TIAM1: variants seen among roughly 807,000 people sequenced by gnomAD.
The protein encoded by TIAM1 is TIAM Rac1 associated GEF 1, also known as rho guanine nucleotide exchange factor TIAM1.
TIAM1 carries 65 observed loss-of-function variants against 163.5 expected under a neutral mutation model. The ratio of observed to expected loss-of-function variants is 0.40; its 90% CI spans 0.33 to 0.49. The LOEUF (loss-of-function observed/expected upper bound fraction) is 0.49. Ranked by LOEUF, TIAM1 falls within the 20% of genes least tolerant of loss-of-function variation. The pLI is 0.77. For missense variants in TIAM1, 1,789 were observed against 2,044.7 expected (o/e 0.87, Z 2.41); for synonymous variants, 833 against 810.1 (o/e 1.03, Z -0.48).
At chr21:31,205,518 G>A (rs1267939972) in intron 11 of TIAM1, among the ~76,000 whole-genome samples, 1 of 152,210 alleles carries the variant, frequency 6.6e-6, no homozygotes, top group African/African-American at 2.4e-5. Flanking sequence ...GCCTAAGGTG[G>A]TCCTGGTGTG....
At chr21:31,309,310 T>G (rs1461961995) in intron 2 of TIAM1, among the ~76,000 whole-genome samples, 1 of 151,836 alleles carries the variant, frequency 6.6e-6, no homozygotes, top group Non-Finnish European at 1.5e-5. Context: ...ATACAAAAAT[T>G]AGCCGGGCAC....
chr21:31,186,700 G>C (rs1000218417), intron 14 of TIAM1, among the ~76,000 whole-genome samples: 5 of 152,076 alleles, frequency 3.3e-5, no homozygotes, highest in Admixed American at 6.5e-5. Flanking sequence ...AGGGTGGCTT[G>C]AGCCCAGGAT....
intron 2 of TIAM1, among the ~76,000 whole-genome samples, chr21:31,364,030 C>T (rs1261580279): frequency 6.6e-6 from 1 of 152,234 alleles, no homozygotes; most frequent in African/African-American, 2.4e-5. Context: ...CTCTACCCAA[C>T]ACACAGGCCT....
At chr21:31,430,158 G>A (rs533611164) in intron 2 of TIAM1, among the ~76,000 whole-genome samples, 3 of 149,454 alleles carry the variant, frequency 2.0e-5, no homozygotes, top group Non-Finnish European at 3.0e-5. Flanking sequence ...GTGAGCCGAG[G>A]TCGCGCCATT....
chr21:31,230,501 T>C (rs2088348974), intron 6 of TIAM1, among the ~76,000 whole-genome samples: 1 of 152,130 alleles, frequency 6.6e-6, no homozygotes, highest in African/African-American at 2.4e-5. Flanking sequence ...AAAGCCAGGC[T>C]GCAGAGTCAC....
chr21:31,424,695 TGAAAA>T (rs1296157144), intron 2 of TIAM1, among the ~76,000 whole-genome samples: 3 of 152,110 alleles, frequency 2.0e-5, no homozygotes, highest in Non-Finnish European at 4.4e-5. Context: ...TTTCGCAAGA[TGAAAA>T]GAGTTCTGGA....
intron 2 of TIAM1, among the ~76,000 whole-genome samples, chr21:31,291,146 A>G (rs1183748661): frequency 1.3e-5 from 2 of 152,214 alleles, no homozygotes; most frequent in East Asian, 3.8e-4. Flanking sequence ...AAACAAAAAA[A>G]CACCTTTCCA....
At chr21:31,159,503 T>C (rs2083794323) in intron 16 of TIAM1, among the ~76,000 whole-genome samples, 1 of 152,188 alleles carries the variant, frequency 6.6e-6, no homozygotes, top group African/African-American at 2.4e-5. Flanking sequence ...ATCCCACAGA[T>C]TTAAAAGGGG....
intron 27 of TIAM1, among the ~76,000 whole-genome samples, chr21:31,122,277 A>C (rs952412408): frequency 1.3e-5 from 2 of 152,240 alleles, no homozygotes; most frequent in Admixed American, 6.5e-5. Flanking sequence ...AATAGGAAAA[A>C]AAACAAACAA....
chr21:31,464,426 G>T (rs1327644271), intron 1 of TIAM1, among the ~76,000 whole-genome samples: 1 of 152,052 alleles, frequency 6.6e-6, no homozygotes, highest in Non-Finnish European at 1.5e-5. Context: ...GGTTAAAATT[G>T]CACCAGGCGC....
At chr21:31,245,413 T>C in intron 6 of TIAM1, 75 bp downstream of exon 6, 1 of 736,214 alleles carries the variant, frequency 1.4e-6, no homozygotes, top group Non-Finnish European at 1.9e-6. Flanking sequence ...GGAGGGAGAC[T>C]GGGTGCCTAG....
intron 2 of TIAM1, among the ~76,000 whole-genome samples, chr21:31,357,891 T>A (rs1448640353): frequency 6.6e-6 from 1 of 152,220 alleles, no homozygotes; most frequent in Non-Finnish European, 1.5e-5. Context: ...ACACCATAAA[T>A]TCTTCTGCCT....
intron 2 of TIAM1, among the ~76,000 whole-genome samples, chr21:31,380,127 G>T (rs1408321147): frequency 6.6e-6 from 1 of 151,694 alleles, no homozygotes; most frequent in Non-Finnish European, 1.5e-5. Context: ...GGCCAGGCAT[G>T]GTGGTGCACA....
At chr21:31,136,995 C>G (rs114062463) in intron 22 of TIAM1, among the ~76,000 whole-genome samples, 1,841 of 152,338 alleles carry the variant, frequency 0.012, 43 homozygotes, top group African/African-American at 0.042. Flanking sequence ...TCGCTCACCC[C>G]CAGCGGTCAC....
At chr21:31,165,916 G>C (rs190154570) in intron 15 of TIAM1, among the ~76,000 whole-genome samples, 110 of 152,268 alleles carry the variant, frequency 7.2e-4, no homozygotes, top group Admixed American at 1.6e-3. Context: ...ATGATATTCT[G>C]TGCAAAAGTG....
intron 1 of TIAM1, among the ~76,000 whole-genome samples, chr21:31,550,462 T>C (rs1348606431): frequency 1.3e-5 from 2 of 152,120 alleles, no homozygotes; most frequent in Non-Finnish European, 2.9e-5. Flanking sequence ...AGTAGATTAG[T>C]GGTAGCCAAG....
At chr21:31,173,118 A>G (rs1035334166) in intron 15 of TIAM1, among the ~76,000 whole-genome samples, 4 of 152,202 alleles carry the variant, frequency 2.6e-5, no homozygotes, top group African/African-American at 9.6e-5. Context: ...ACACACATCT[A>G]CTTTGGTTTC....
upstream of TIAM1, among the ~76,000 whole-genome samples, chr21:31,347,754 T>C (rs2076171288): frequency 6.6e-6 from 1 of 151,460 alleles, no homozygotes; most frequent in South Asian, 2.1e-4. Context: ...TCAGAGAAAC[T>C]GCAAACCCTG....
chr21:31,512,959 T>C (rs767263219), intron 1 of TIAM1, among the ~76,000 whole-genome samples: 1 of 152,104 alleles, frequency 6.6e-6, no homozygotes, highest in Non-Finnish European at 1.5e-5. Context: ...CAGTCTTTTC[T>C]AACCATAGGG....
Sources: allele counts gnomAD v4.1 joint callset (sites outside exome capture counted in the v4.1 genomes callset), GRCh38; gene constraint gnomAD v4.1.1; transcripts MANE v1.5; gene names NCBI Gene and HGNC (gene_info 2026-07-23, HGNC 2026-07-21).